Variants in ATAD5 observed in about 807,000 individuals in gnomAD.
ATAD5 encodes ATPase family AAA domain-containing protein 5.
A neutral mutation model predicts 176.9 loss-of-function variants in ATAD5; 58 were observed. The observed-to-expected ratio is 0.33, with a 90% confidence interval of 0.27 to 0.41. The LOEUF (loss-of-function observed/expected upper bound fraction) is 0.41, where lower values mean the gene tolerates loss of function less well. Among genes scored for constraint, ATAD5 ranks in the 10% least tolerant of loss-of-function variants. The probability of loss-of-function intolerance (pLI) is 1.00; values close to 1 mark genes in which losing one functional copy is unlikely to be tolerated. For missense variants in ATAD5, 1,789 were observed against 2,094.1 expected (o/e 0.85, Z 2.84); for synonymous variants, 640 against 712.6 (o/e 0.90, Z 1.62).
At chr17:30,870,027 T>G (rs1028077396) in intron 14 of ATAD5, among the ~76,000 whole-genome samples, 11 of 152,068 alleles carry the variant, frequency 7.2e-5, no homozygotes, top group African/African-American at 2.7e-4. Context: ...TGTGGGAGGT[T>G]CACTTGAGCC....
intron 6 of ATAD5, among the ~76,000 whole-genome samples, chr17:30,848,775 A>G (rs1483494843): frequency 6.6e-6 from 1 of 152,180 alleles, no homozygotes; most frequent in African/African-American, 2.4e-5. Context: ...TAATGAAATC[A>G]TATAGTATAT....
chr17:30,873,074 T>C (rs1908435103), intron 14 of ATAD5, among the ~76,000 whole-genome samples: 1 of 152,194 alleles, frequency 6.6e-6, no homozygotes, highest in Non-Finnish European at 1.5e-5. Flanking sequence ...TTATTTATGA[T>C]GGGAGGATAA....
At position 30,843,927 on chromosome 17, in the gene ATAD5, A is replaced by G. The variant is rs761606350; in HGVS notation, c.2256A>G (p.Ile752Met). ...KLSETEDSVI[I>M]IDSSPTALKH... ...TTTTGTCTTAGGATTCTGTTATAATAATAGATTCAAGTCCTACTGCTTTAA... is the reference window on the plus strand; with the variant it reads ...TTTTGTCTTAGGATTCTGTTATAATGATAGATTCAAGTCCTACTGCTTTAA... The change falls in exon 5 of 23, where the codon ATA becomes ATG. Residue 752 changes from isoleucine to methionine, a missense_variant. Coordinates refer to ENST00000321990, the MANE Select transcript of ATAD5 (RefSeq NM_024857.5). The G allele has an allele frequency of 7.1e-7, 1 of 1,413,326 alleles. No homozygotes were observed. Among genetic ancestry groups the G allele is most frequent in the East Asian group, 2.4e-5 (1 of 41,854 alleles). The allele number at this position is 1,413,326 out of a possible 1,614,324, so 87.5% of individuals were successfully genotyped here. A position where few individuals can be genotyped will look rare whatever the true frequency, so the allele number is the denominator to read the frequency against.
At chr17:30,863,664 C>CTT (rs58611804) in intron 10 of ATAD5, among the ~76,000 whole-genome samples, 3,990 of 107,216 alleles carry the variant, frequency 0.037, 466 homozygotes, top group African/African-American at 0.14. Flanking sequence ...CCGCGTCCGG[C>CTT]TTTTTTTTTT....
Position 30,834,491 on chromosome 17 carries a change from G to A in ATAD5, c.410G>A (p.Ser137Asn). 6.3e-7 allele frequency: 1 copy of A among 1,585,886 alleles called. No homozygotes were observed. The highest frequency in any genetic ancestry group is 8.5e-7 in the Non-Finnish European group (1 of 1,170,422). Reference protein sequence around the residue: ...KTENEAPIEISSDDSKEDYSL... With the variant: ...KTENEAPIEINSDDSKEDYSL... Reference sequence around the variant, plus strand: ...GAAAATGAAGCTCCAATTGAAATTAGTAGCGACGATAGCAAAGAAGACTAT... The same window carrying A: ...GAAAATGAAGCTCCAATTGAAATTAATAGCGACGATAGCAAAGAAGACTAT... The change falls in exon 2 of 23, where the codon AGT (serine) becomes AAT (asparagine). Residue 137 changes from serine (S) to asparagine (N), a missense_variant. Ser to Asn is a conservative substitution (Grantham distance 46). Transcript: ENST00000321990.
At chr17:30,857,199 C>T (rs1567686702) in intron 8 of ATAD5, 87 bp downstream of exon 8, 2 of 1,412,636 alleles carry the variant, frequency 1.4e-6, no homozygotes, top group East Asian at 2.6e-5. Context: ...CTCTTATAGC[C>T]TCGAGTGTTG....
Position 30,840,729 on chromosome 17 carries a change from G to A in ATAD5, c.2189G>A (p.Arg730His), listed in dbSNP as rs766096038. Residue 730 changes from arginine (R) to histidine (H), a missense_variant, in exon 4 of 23, where the codon CGC (arginine) becomes CAC (histidine). Physicochemically the swap from Arg to His is conservative, Grantham distance 29 (BLOSUM62 0). This residue lies in a region of ATAD5 where 487 missense variants were observed against 573.6 expected (regional missense o/e 0.85). Transcript: ENST00000321990. ...GAAGAAATAGCGATACCCTTAAGGC[G>A]CTCCTCTAGACATCAGACACTTCCT... ...VTEEIAIPLRRSSRHQTLPER... is the reference protein window; with the variant it reads ...VTEEIAIPLRHSSRHQTLPER... The A allele has an allele frequency of 1.6e-5, 25 of 1,608,994 alleles. No homozygotes were observed. The Admixed American group carries it at 3.4e-4, about 22-fold the overall frequency.
intron 9 of ATAD5, among the ~76,000 whole-genome samples, chr17:30,859,114 C>T (rs1907462865): frequency 6.6e-6 from 1 of 152,230 alleles, no homozygotes; most frequent in Non-Finnish European, 1.5e-5. Context: ...ATTGCTTACA[C>T]TTGGCAGGGA....
In ATAD5 at chr17:30,868,402, G is replaced by A; in HGVS notation, c.3303G>A (p.Glu1101=). 6.5e-7 allele frequency: 1 copy of A among 1,532,176 alleles called. No individual in the cohort carries two copies. The highest frequency in any genetic ancestry group is 8.8e-7 in the Non-Finnish European group (1 of 1,140,542). 94.9% of individuals were successfully genotyped at this position (1,532,176 alleles called of 1,614,324 possible). A position where few individuals can be genotyped will look rare whatever the true frequency, so the allele number is the denominator to read the frequency against. ...AGAATCTGAAGGGAAAAAGAGATGA[G>A]AAACATGAAGGTATTTTGTGTGTCT... is the stretch of plus-strand genomic sequence containing the variant. ...ERQNLKGKRD[E]KHEDFSGGID... is the part of the protein sequence containing the mutation. The change falls in exon 12 of 23, where the codon GAG becomes GAA. Residue 1101 remains glutamate, a synonymous_variant. Transcript: ENST00000321990.
At chr17:30,860,646 T>C in intron 10 of ATAD5, 34 bp downstream of exon 10, 1 of 1,508,902 alleles carries the variant, frequency 6.6e-7, no homozygotes, top group Non-Finnish European at 8.8e-7. Flanking sequence ...AAGAAATAGA[T>C]TGCTTTGAGG....
At chr17:30,869,704 G>C in intron 14 of ATAD5, 58 bp downstream of exon 14, 3 of 1,514,936 alleles carry the variant, frequency 2.0e-6, no homozygotes, top group South Asian at 1.2e-5. Context: ...ATCTAAGAAA[G>C]TAATGTTAAT....
chr17:30,881,024 C>G (rs1233718359), intron 18 of ATAD5, among the ~76,000 whole-genome samples: 1 of 151,078 alleles, frequency 6.6e-6, no homozygotes, highest in Non-Finnish European at 1.5e-5. Flanking sequence ...GAACAAGGCA[C>G]TTTTTTAACC....
chr17:30,894,638 A>G lies in ATAD5; in HGVS notation c.5372A>G (p.Gln1791Arg). 1 of 1,613,600 alleles carries G rather than the reference A, an allele frequency of 6.2e-7. No homozygotes were observed. ...SRSLLYVGNR[Q>R]ASIIEYLPTL... ...TCTCTTCTCTATGTGGGTAATAGAC[A>G]AGCTAGTATAATTGAATACCTGCCA... The change falls in exon 22 of 23, where the codon CAA becomes CGA. Residue 1791 changes from glutamine to arginine, a missense_variant. Physicochemically the swap from Gln to Arg is conservative, Grantham distance 43. Coordinates refer to ENST00000321990, the MANE Select transcript of ATAD5 (RefSeq NM_024857.5).
intron 11 of ATAD5, among the ~76,000 whole-genome samples, chr17:30,867,067 T>C (rs1908036556): frequency 6.6e-6 from 1 of 151,264 alleles, no homozygotes; most frequent in South Asian, 2.1e-4. Context: ...TTTTTTTTTT[T>C]TTTACTTGTA....
At chr17:30,875,105 A>C (rs1474687006) in intron 14 of ATAD5, among the ~76,000 whole-genome samples, 2 of 152,030 alleles carry the variant, frequency 1.3e-5, no homozygotes, top group East Asian at 3.8e-4. Flanking sequence ...TAGAGGGTAG[A>C]AAAAAAGAAT....
chr17:30,847,075 T>C (rs1906553848), intron 6 of ATAD5, among the ~76,000 whole-genome samples: 1 of 152,058 alleles, frequency 6.6e-6, no homozygotes. Flanking sequence ...AATAAAAATA[T>C]AGAACATTTT....
At chr17:30,866,393 G>T (rs1907986575) in intron 11 of ATAD5, among the ~76,000 whole-genome samples, 1 of 150,074 alleles carries the variant, frequency 6.7e-6, no homozygotes, top group African/African-American at 2.4e-5. Context: ...AGACAGTTTC[G>T]CCATGTTGGC....
At chr17:30,878,635 C>G (rs1031568663) in intron 17 of ATAD5, among the ~76,000 whole-genome samples, 10 of 147,336 alleles carry the variant, frequency 6.8e-5, no homozygotes, top group Non-Finnish European at 1.3e-4. Flanking sequence ...AGGCTAGTCT[C>G]TACTTACAAA....
At position 30,895,078 on chromosome 17, in the gene ATAD5, C is replaced by T. The variant is rs547210815; in HGVS notation, c.*165C>T. The T allele has an allele frequency of 2.5e-5, 12 of 474,306 alleles. No homozygotes were observed. The East Asian group carries it at 4.4e-4, about 17-fold the overall frequency. The allele number at this position is 474,306 out of a possible 1,614,324, so 29.4% of individuals were successfully genotyped here. A position where few individuals can be genotyped will look rare whatever the true frequency, so the allele number is the denominator to read the frequency against. On this transcript the variant is annotated 3_prime_UTR_variant, in exon 23 of 23. Transcript: ENST00000321990. ...GTAAATATTTAAAATATTTGAGTTA[C>T]AAATTTTATATATGATTGTAATTTT...
Sources: allele counts gnomAD v4.1 joint callset (sites outside exome capture counted in the v4.1 genomes callset), GRCh38; gene constraint gnomAD v4.1.1; regional missense constraint gnomAD v4.1.1; transcripts MANE v1.5; gene names NCBI Gene and HGNC (gene_info 2026-07-23, HGNC 2026-07-21).